LNPEP: variants seen among roughly 807,000 people sequenced by gnomAD.
LNPEP encodes leucyl and cystinyl aminopeptidase.
Under a neutral mutation model 120.6 loss-of-function variants are expected in LNPEP, and 64 were observed. The observed-to-expected ratio is 0.53, with a 90% CI of 0.43 to 0.65. LNPEP has a LOEUF of 0.65. Among genes scored for constraint, LNPEP ranks in the 30% least tolerant of loss-of-function variants. The pLI, the probability that LNPEP is intolerant of heterozygous loss-of-function variation, is 0.00. For synonymous variants in LNPEP, 435 were observed against 425.4 expected (o/e 1.02, Z -0.28); for missense variants, 1,057 against 1,200.0 (o/e 0.88, Z 1.76).
chr5:96,944,603 C>T (rs1196499241), intron 1 of LNPEP, among the ~76,000 whole-genome samples: 1 of 92,712 alleles, frequency 1.1e-5, no homozygotes, highest in Non-Finnish European at 1.9e-5. Flanking sequence ...GAGTCTCATT[C>T]TGTCACCCAG....
chr5:97,006,098 A>G lies in LNPEP; in HGVS notation c.1811A>G (p.Lys604Arg). The stretch of plus-strand genomic sequence containing the variant: ...GTCACAAACCAAACACTAGATGTAA[A>G]GAGAATGATGAAAACCTGGACCCTG... Reference protein sequence around the residue: ...NEVTNQTLDVKRMMKTWTLQK... With the variant: ...NEVTNQTLDVRRMMKTWTLQK... The change falls in exon 10 of 18, where the codon AAG (lysine) becomes AGG (arginine). Residue 604 changes from lysine (K) to arginine (R), a missense_variant. By Grantham distance (26) the Lys-to-Arg change is conservative (BLOSUM62 2). Coordinates refer to ENST00000231368, the MANE Select transcript of LNPEP (RefSeq NM_005575.3). 2 of 1,543,822 alleles carry G rather than the reference A, an allele frequency of 1.3e-6. No individual in the cohort carries two copies. The highest frequency in any genetic ancestry group is 2.8e-5 in the African/African-American group (2 of 71,694).
At chr5:97,015,831 A>G (rs1463019954) in intron 13 of LNPEP, among the ~76,000 whole-genome samples, 1 of 152,126 alleles carries the variant, frequency 6.6e-6, no homozygotes, top group Admixed American at 6.6e-5. Context: ...AAGAATTAGA[A>G]TAAGTCTTTT....
intron 8 of LNPEP, among the ~76,000 whole-genome samples, chr5:96,999,983 C>A (rs1490075840): frequency 6.6e-6 from 1 of 152,088 alleles, no homozygotes; most frequent in Non-Finnish European, 1.5e-5. Flanking sequence ...TTTAGCAAAT[C>A]TTACAAATAC....
intron 1 of LNPEP, chr5:96,937,006 A>G (rs1788914999): frequency 6.6e-6 from 1 of 152,206 alleles, no homozygotes; most frequent in African/African-American, 2.4e-5. Flanking sequence ...CAGAGCCACA[A>G]TATAGGGGTG....
At chr5:97,019,154 A>G (rs1216393958) in intron 13 of LNPEP, among the ~76,000 whole-genome samples, 1 of 152,162 alleles carries the variant, frequency 6.6e-6, no homozygotes, top group Non-Finnish European at 1.5e-5. Context: ...AAATAATTTT[A>G]TATTGTTGTT....
At chr5:96,978,061 G>A (rs1166401934) in intron 1 of LNPEP, among the ~76,000 whole-genome samples, 8 of 152,026 alleles carry the variant, frequency 5.3e-5, no homozygotes, top group African/African-American at 1.7e-4. Context: ...TGTTGTAAGG[G>A]TTAGAAATGA....
intron 1 of LNPEP, among the ~76,000 whole-genome samples, chr5:96,976,812 C>T (rs1790009749): frequency 6.6e-6 from 1 of 151,640 alleles, no homozygotes; most frequent in Admixed American, 6.6e-5. Context: ...ACTACAGAAA[C>T]TTTCTAATCA....
At chr5:96,976,853 T>A (rs935904992) in intron 1 of LNPEP, among the ~76,000 whole-genome samples, 1 of 151,984 alleles carries the variant, frequency 6.6e-6, no homozygotes, top group African/African-American at 2.4e-5. Flanking sequence ...TTTAAAAAAT[T>A]GAATACAGCA....
At chr5:96,959,654 A>G (rs1789551422) in intron 1 of LNPEP, among the ~76,000 whole-genome samples, 1 of 152,198 alleles carries the variant, frequency 6.6e-6, no homozygotes, top group Non-Finnish European at 1.5e-5. Flanking sequence ...GTGACATTTT[A>G]GTAGATATGA....
At chr5:97,006,382 A>T (rs1477195662) in intron 10 of LNPEP, 45 bp from the exon 11 acceptor site, 1 of 1,376,018 alleles carries the variant, frequency 7.3e-7, no homozygotes, top group Non-Finnish European at 1.0e-6. Flanking sequence ...TTAAAAAAAA[A>T]AAAAAATCAT....
rs1182201081 is a variant in LNPEP, at chr5:97,037,244, A to G, written c.*8711A>G. Reference sequence around the variant, plus strand: ...ATTACATTTTTATATTTAAACACCTATAGAGATCTTCAATTCCTTGAGTCT... The same window carrying G: ...ATTACATTTTTATATTTAAACACCTGTAGAGATCTTCAATTCCTTGAGTCT... On this transcript the variant is annotated 3_prime_UTR_variant, in exon 18 of 18. Transcript: ENST00000231368. 1 of 152,204 alleles carries G rather than the reference A, an allele frequency of 6.6e-6. No individual in the cohort carries two copies. 9.4% of individuals were successfully genotyped at this position (152,204 alleles called of 1,614,324 possible). A position where few individuals can be genotyped will look rare whatever the true frequency, so the allele number is the denominator to read the frequency against.
chr5:96,968,910 G>A (rs545265170), intron 1 of LNPEP, among the ~76,000 whole-genome samples: 61 of 152,226 alleles, frequency 4.0e-4, no homozygotes, highest in African/African-American at 1.4e-3. Context: ...TGGAAGCATG[G>A]CTGAGAGCTG....
chr5:97,003,138 A>C (rs1348698472), intron 8 of LNPEP, among the ~76,000 whole-genome samples: 1 of 152,240 alleles, frequency 6.6e-6, no homozygotes, highest in Admixed American at 6.5e-5. Flanking sequence ...ACATTGAAAC[A>C]GTGAGTATAC....
At chr5:96,948,437 G>A (rs142024750) in intron 1 of LNPEP, among the ~76,000 whole-genome samples, 2 of 152,284 alleles carry the variant, frequency 1.3e-5, no homozygotes, top group East Asian at 3.9e-4. Flanking sequence ...CTTGCATTCT[G>A]TTTTAAACTG....
Position 96,979,534 on chromosome 5 carries a change from A to G in LNPEP, c.416A>G (p.Glu139Gly). Residue 139 changes from glutamate (E) to glycine (G), a missense_variant, in exon 2 of 18, where the codon GAA (glutamate) becomes GGA (glycine). Coordinates refer to ENST00000231368, the MANE Select transcript of LNPEP (RefSeq NM_005575.3). ...YLLPRCTFTKEGCHKKNQSIG... is the reference protein window; with the variant it reads ...YLLPRCTFTKGGCHKKNQSIG... Reference sequence around the variant, plus strand: ...CTGCCCAGATGTACCTTTACCAAAGAAGGCTGCCATAAAAAAAACCAGTCA... The same window carrying G: ...CTGCCCAGATGTACCTTTACCAAAGGAGGCTGCCATAAAAAAAACCAGTCA... The G allele has an allele frequency of 1.2e-6, 2 of 1,614,046 alleles. No homozygotes were observed. The highest frequency in any genetic ancestry group is 1.7e-6 in the Non-Finnish European group (2 of 1,179,964).
chr5:96,936,368 A>C (rs1391503801), intron 1 of LNPEP, 194 bp downstream of exon 1: 3 of 422,208 alleles, frequency 7.1e-6, no homozygotes, highest in Non-Finnish European at 1.2e-5. Context: ...CCAGTGCGGG[A>C]CCCGGGGCTG....
chr5:96,955,383 G>A (rs1259619363), intron 1 of LNPEP, among the ~76,000 whole-genome samples: 1 of 152,096 alleles, frequency 6.6e-6, no homozygotes, highest in Non-Finnish European at 1.5e-5. Flanking sequence ...GGGAGGCCAA[G>A]GTGGGCAGAT....
At chr5:96,996,973 G>A (rs1256986859) in intron 7 of LNPEP, among the ~76,000 whole-genome samples, 1 of 151,762 alleles carries the variant, frequency 6.6e-6, no homozygotes, top group Non-Finnish European at 1.5e-5. Context: ...ATATAGCTTG[G>A]TACAAATAAA....
intron 1 of LNPEP, among the ~76,000 whole-genome samples, chr5:96,964,315 A>C (rs189425052): frequency 6.6e-6 from 1 of 151,828 alleles, no homozygotes; most frequent in Non-Finnish European, 1.5e-5. Flanking sequence ...TGATCTGTAC[A>C]TGTTTGAGAG....
Sources: gnomAD v4.1 joint callset for allele counts (sites outside exome capture counted in the v4.1 genomes callset) on GRCh38, gnomAD v4.1.1 for gene constraint, MANE v1.5 for transcripts, NCBI Gene and HGNC (gene_info 2026-07-23, HGNC 2026-07-21) for gene names.